The following ETNK1 variants were observed in gnomAD, a reference collection of about 807,000 sequenced individuals.
ETNK1 encodes putative protein product of Nbla10396.
A neutral mutation model predicts 45.1 loss-of-function variants in ETNK1; 8 were observed. The ratio of observed to expected loss-of-function variants is 0.18; its 90% confidence interval spans 0.10 to 0.32. The LOEUF is 0.32. ETNK1 is among the 10% of genes least tolerant of loss of function. The pLI, the probability that ETNK1 is intolerant of heterozygous loss-of-function variation, is 1.00. For missense variants in ETNK1, 302 were observed against 430.6 expected (o/e 0.70, Z 2.64); for synonymous variants, 152 against 151.9 (o/e 1.00, Z -0.01).
At chr12:22,625,785 T>G (rs75327706) in intron 1 of ETNK1, 199 bp downstream of exon 1, 2 of 810,652 alleles carry the variant, frequency 2.5e-6, no homozygotes, top group Admixed American at 4.0e-5. Flanking sequence ...CTCTTTGAGA[T>G]TGACCTGAGG....
chr12:22,682,797 G>A (rs1337849148), intron 6 of ETNK1, among the ~76,000 whole-genome samples: 1 of 152,100 alleles, frequency 6.6e-6, no homozygotes, highest in Non-Finnish European at 1.5e-5. Flanking sequence ...TGTTAACATA[G>A]TCAAAAAGGC....
At chr12:22,645,096 AT>A (rs1953790602) in intron 2 of ETNK1, among the ~76,000 whole-genome samples, 1 of 151,960 alleles carries the variant, frequency 6.6e-6, no homozygotes, top group African/African-American at 2.4e-5. Context: ...GTATTAAAAG[AT>A]TCTGATTAAT....
chr12:22,639,437 G>A (rs934557592), intron 1 of ETNK1, among the ~76,000 whole-genome samples: 6 of 152,136 alleles, frequency 3.9e-5, no homozygotes, highest in Admixed American at 1.3e-4. Flanking sequence ...AGCACTTTGG[G>A]AGGCCGAGGC....
At chr12:22,682,590 G>A (rs1033871729) in intron 6 of ETNK1, among the ~76,000 whole-genome samples, 2 of 152,174 alleles carry the variant, frequency 1.3e-5, no homozygotes, top group East Asian at 1.9e-4. Flanking sequence ...ACTAGAGCAC[G>A]TACTCCAGGG....
chr12:22,682,258 CT>C (rs1954221413), intron 6 of ETNK1: 1 of 487,806 alleles, frequency 2.0e-6, no homozygotes, highest in Non-Finnish European at 4.1e-6. Flanking sequence ...TCACATAAAA[CT>C]TTTCTCATGT....
In ETNK1 at chr12:22,690,072, C is replaced by CT; in HGVS notation, c.*5119dup. 1 of 152,516 alleles carries CT rather than the reference C, an allele frequency of 6.6e-6. No individual in the cohort carries two copies. The highest frequency in any genetic ancestry group is 1.5e-5 in the Non-Finnish European group (1 of 67,886). 9.4% of individuals were successfully genotyped at this position (152,516 alleles called of 1,614,324 possible). A position where few individuals can be genotyped will look rare whatever the true frequency, so the allele number is the denominator to read the frequency against. On this transcript the variant is annotated 3_prime_UTR_variant, in exon 8 of 8. Transcript: ENST00000266517. ...GAAGAAAAAGAATGAAATTGGGTAACTGTCATTGCGTTAGCTTTATGTTGA... is the reference window on the plus strand; with the variant it reads ...GAAGAAAAAGAATGAAATTGGGTAACTTGTCATTGCGTTAGCTTTATGTTGA...
chr12:22,647,344 A>G (rs1196496017), intron 2 of ETNK1, among the ~76,000 whole-genome samples: 1 of 151,918 alleles, frequency 6.6e-6, no homozygotes, highest in Non-Finnish European at 1.5e-5. Context: ...AGGGTACCGT[A>G]GTGGAACTGG....
chr12:22,669,121 A>G (rs1416090432), intron 4 of ETNK1, among the ~76,000 whole-genome samples: 1 of 152,206 alleles, frequency 6.6e-6, no homozygotes, highest in Non-Finnish European at 1.5e-5. Context: ...AAAAAATTAT[A>G]TATTAAAACT....
intron 4 of ETNK1, 37 bp downstream of exon 4, chr12:22,661,242 T>C: frequency 6.5e-7 from 1 of 1,536,362 alleles, no homozygotes; most frequent in Non-Finnish European, 8.8e-7. Context: ...AAAATTGATT[T>C]CTTTTATGTT....
At chr12:22,683,281 C>A (rs978249335) in intron 6 of ETNK1, among the ~76,000 whole-genome samples, 3 of 150,106 alleles carry the variant, frequency 2.0e-5, no homozygotes, top group Admixed American at 6.6e-5. Flanking sequence ...TTTTAAGAGA[C>A]AGTGTCTCAC....
At chr12:22,626,078 T>A (rs1456192635) in intron 1 of ETNK1, 4 of 349,856 alleles carry the variant, frequency 1.1e-5, no homozygotes, top group South Asian at 6.4e-5. Context: ...CGTACTCAAT[T>A]CCCAAAGTAA....
chr12:22,625,391 C>A lies in ETNK1; in HGVS notation c.-40C>A. ...CGCCCGCCGTTCTCGTGGTCGCCGTCGCCGTCGTCGTGGTGGTAGTCTCCG... is the reference window on the plus strand; with the variant it reads ...CGCCCGCCGTTCTCGTGGTCGCCGTAGCCGTCGTCGTGGTGGTAGTCTCCG... On this transcript the variant is annotated 5_prime_UTR_variant, in exon 1 of 8. Coordinates refer to ENST00000266517, the MANE Select transcript of ETNK1 (RefSeq NM_018638.5). 6.4e-7 allele frequency: 1 copy of A among 1,559,232 alleles called. No homozygotes were observed.
In ETNK1 at chr12:22,687,148, TATCTA is replaced by T. The variant is rs2137582799; in HGVS notation, c.*2200_*2204del. ...AGTGGATCTTGGGAACAAAATAAGATATCTAATCTATTTTCCCCATTCTGGCTAGA... is the reference window on the plus strand; with the variant it reads ...AGTGGATCTTGGGAACAAAATAAGATATCTATTTTCCCCATTCTGGCTAGA... On this transcript the variant is annotated 3_prime_UTR_variant, in exon 8 of 8. Transcript: ENST00000266517. 6.6e-6 allele frequency: 1 copy of T among 151,916 alleles called. No homozygotes were observed. Among genetic ancestry groups the T allele is most frequent in the South Asian group, 2.1e-4 (1 of 4,818 alleles). The allele number at this position is 151,916 out of a possible 1,614,324, so 9.4% of individuals were successfully genotyped here.
In ETNK1 at chr12:22,625,256, C is replaced by A; in HGVS notation, c.-175C>A. 1 of 1,611,302 alleles carries A rather than the reference C, an allele frequency of 6.2e-7. No individual in the cohort carries two copies. Among genetic ancestry groups the A allele is most frequent in the Non-Finnish European group, 8.5e-7 (1 of 1,179,422 alleles). ...GTTCAGCTGCTGTCCAGACCCGGAT[C>A]GGCAACAGTGCCGCCTCCAGACGTT... On this transcript the variant is annotated 5_prime_UTR_variant, in exon 1 of 8. Coordinates refer to ENST00000266517, the MANE Select transcript of ETNK1 (RefSeq NM_018638.5).
intron 6 of ETNK1, among the ~76,000 whole-genome samples, chr12:22,681,480 T>C (rs766673946): frequency 7.2e-5 from 11 of 152,192 alleles, no homozygotes; most frequent in Non-Finnish European, 1.5e-4. Context: ...GCGTAAAATA[T>C]GCAAGGCAAT....
chr12:22,657,962 G>C (rs1031794946), intron 2 of ETNK1, among the ~76,000 whole-genome samples: 21 of 152,040 alleles, frequency 1.4e-4, no homozygotes, highest in African/African-American at 5.1e-4. Flanking sequence ...GATTCTCTGT[G>C]GGCCTTACTT....
chr12:22,672,843 C>A (rs1166089810), intron 5 of ETNK1, among the ~76,000 whole-genome samples: 1 of 152,074 alleles, frequency 6.6e-6, no homozygotes, highest in East Asian at 1.9e-4. Flanking sequence ...ACTTTGTCTT[C>A]TAGGTTAGTA....
chr12:22,626,981 C>A (rs1162951006), intron 1 of ETNK1, among the ~76,000 whole-genome samples: 1 of 152,038 alleles, frequency 6.6e-6, no homozygotes, highest in African/African-American at 2.4e-5. Flanking sequence ...GTCACTTATA[C>A]ATAAAACATT....
intron 3 of ETNK1, among the ~76,000 whole-genome samples, chr12:22,660,764 A>C (rs1953991721): frequency 6.6e-6 from 1 of 152,132 alleles, no homozygotes; most frequent in African/African-American, 2.4e-5. Flanking sequence ...ATTACTTAGA[A>C]TAGTACTTAG....
Sources: allele counts gnomAD v4.1 joint callset (sites outside exome capture counted in the v4.1 genomes callset), GRCh38; gene constraint gnomAD v4.1.1; transcripts MANE v1.5; gene names NCBI Gene and HGNC (gene_info 2026-07-23, HGNC 2026-07-21).